The following ASPH variants were observed in gnomAD, a reference collection of about 807,000 sequenced individuals.
The protein encoded by ASPH is aspartyl/asparaginyl beta-hydroxylase.
ASPH carries 100 observed loss-of-function variants against 118.4 expected under a neutral mutation model. That is an observed-to-expected ratio of 0.84 (90% CI 0.72 to 1.00). ASPH has a LOEUF of 1.00. Among genes scored for constraint, ASPH ranks in the 50% least tolerant of loss-of-function variants. The pLI is 0.00. For synonymous variants in ASPH, 315 were observed against 325.6 expected, an observed-to-expected ratio of 0.97 and a Z score of 0.35; for missense variants, 920 against 919.5, an observed-to-expected ratio of 1.00 and a Z score of -0.01.
chr8:61,702,463 T>C (rs1008852931), intron 1 of ASPH, among the ~76,000 whole-genome samples: 28 of 152,046 alleles, frequency 1.8e-4, no homozygotes, highest in Non-Finnish European at 4.0e-4. Context: ...TTTTTTTGTA[T>C]TTTTAGTAGA....
At chr8:61,518,833 G>A (rs914607032) in intron 22 of ASPH, among the ~76,000 whole-genome samples, 3 of 152,130 alleles carry the variant, frequency 2.0e-5, no homozygotes, top group African/African-American at 7.2e-5. Flanking sequence ...TTGGCAGCGT[G>A]TCCATCATCA....
intron 21 of ASPH, among the ~76,000 whole-genome samples, chr8:61,529,171 T>C (rs1457763179): frequency 6.6e-6 from 1 of 152,134 alleles, no homozygotes; most frequent in African/African-American, 2.4e-5. Flanking sequence ...CTCTGTACTA[T>C]CTCCTCCTCA....
chr8:61,669,335 T>C (rs752508086), intron 3 of ASPH, among the ~76,000 whole-genome samples: 47 of 152,210 alleles, frequency 3.1e-4, no homozygotes, highest in Non-Finnish European at 5.9e-4. Flanking sequence ...TGGTAATTTA[T>C]TTTGGTTGAA....
At chr8:61,533,287 CT>C (rs1207377304) in intron 21 of ASPH, among the ~76,000 whole-genome samples, 2 of 152,238 alleles carry the variant, frequency 1.3e-5, no homozygotes, top group South Asian at 4.1e-4. Context: ...GCAAATCACA[CT>C]TTTTAATTTC....
chr8:61,571,894 ACT>A (rs534493534), intron 16 of ASPH, among the ~76,000 whole-genome samples: 105 of 152,254 alleles, frequency 6.9e-4, no homozygotes, highest in Admixed American at 6.1e-3. Flanking sequence ...TAACAAACAC[ACT>A]CTCTCTTACT....
intron 21 of ASPH, among the ~76,000 whole-genome samples, chr8:61,539,529 G>A (rs895560301): frequency 9.9e-5 from 15 of 152,072 alleles, no homozygotes; most frequent in Non-Finnish European, 1.6e-4. Flanking sequence ...AGGATCTTGC[G>A]TTACTTCTCC....
At chr8:61,605,633 A>G (rs2133676920) in intron 14 of ASPH, among the ~76,000 whole-genome samples, 1 of 152,332 alleles carries the variant, frequency 6.6e-6, no homozygotes, top group African/African-American at 2.4e-5. Flanking sequence ...GAAAATGCTC[A>G]CTGATAAAAT....
intron 6 of ASPH, among the ~76,000 whole-genome samples, chr8:61,646,114 G>A (rs1043813287): frequency 3.9e-5 from 6 of 152,152 alleles, no homozygotes; most frequent in African/African-American, 1.4e-4. Context: ...GAGCATGGGA[G>A]GTCAAGGCTG....
intron 2 of ASPH, among the ~76,000 whole-genome samples, chr8:61,682,985 T>C (rs1423097639): frequency 2.0e-5 from 3 of 152,106 alleles, no homozygotes; most frequent in Admixed American, 6.6e-5. Context: ...GATAAACAGA[T>C]AACCAAAATG....
At chr8:61,620,789 T>C (rs997038560) in intron 13 of ASPH, among the ~76,000 whole-genome samples, 4 of 152,196 alleles carry the variant, frequency 2.6e-5, no homozygotes, top group African/African-American at 9.7e-5. Flanking sequence ...CTAATGTGAT[T>C]AGAAAAATCA....
chr8:61,580,660 A>G (rs929596217), intron 15 of ASPH, among the ~76,000 whole-genome samples: 2 of 152,232 alleles, frequency 1.3e-5, no homozygotes, highest in African/African-American at 4.8e-5. Flanking sequence ...GTCTATTCCC[A>G]GTATTTCTTG....
Position 61,593,503 on chromosome 8 carries a change from G to A in ASPH, c.977-9474C>T, listed in dbSNP as rs142751073. 7.0e-4 allele frequency among the ~76,000 whole-genome samples: 107 copies of A among 152,286 alleles called. 1 individual carries two copies. Among genetic ancestry groups the A allele is most frequent in the African/African-American group, 2.5e-3 (103 of 41,566 alleles). On this transcript the variant is annotated intron_variant, in intron 14 of 24. Coordinates refer to ENST00000379454, the MANE Select transcript of ASPH (RefSeq NM_004318.4). ...AGTTAACAAATATTTTTCACTGAGA[G>A]ATGCTAACTTATACAACCCAGTAAA...
intron 14 of ASPH, 73 bp downstream of exon 14, chr8:61,618,905 T>G: frequency 1.5e-6 from 2 of 1,330,700 alleles, no homozygotes; most frequent in South Asian, 2.6e-5. Flanking sequence ...CATGTTATTC[T>G]TGGATGGAAC....
intron 15 of ASPH, among the ~76,000 whole-genome samples, chr8:61,581,392 C>G (rs1837458313): frequency 6.6e-6 from 1 of 152,238 alleles, no homozygotes; most frequent in Non-Finnish European, 1.5e-5. Context: ...AGGACCAAGA[C>G]AGTTCATGGG....
chr8:61,503,356 A>G lies in ASPH; in HGVS notation c.*3T>C, dbSNP rs1805254107. ...GAGTTTCCCAAGCTTGCATGAATTCATGCTAAATTGCTGGAAGGCTGCGTC... is the reference window on the plus strand; with the variant it reads ...GAGTTTCCCAAGCTTGCATGAATTCGTGCTAAATTGCTGGAAGGCTGCGTC... On this transcript the variant is annotated 3_prime_UTR_variant, in exon 25 of 25. Coordinates refer to ENST00000379454, the MANE Select transcript of ASPH (RefSeq NM_004318.4). 2.5e-6 allele frequency: 4 copies of G among 1,602,008 alleles called. No homozygotes were observed. Among genetic ancestry groups the G allele is most frequent in the Non-Finnish European group, 3.4e-6 (4 of 1,172,660 alleles).
At position 61,667,470 on chromosome 8, in the gene ASPH, G is replaced by A. The variant is rs147963891; in HGVS notation, c.322+13498C>T. 1.4e-3 allele frequency among the ~76,000 whole-genome samples: 210 copies of A among 152,180 alleles called. 1 individual carries two copies. Among genetic ancestry groups the A allele is most frequent in the African/African-American group, 4.9e-3 (205 of 41,518 alleles). On this transcript the variant is annotated intron_variant, in intron 3 of 24. Transcript: ENST00000379454. ...CAACCTCTGCCTCCCGGGTTCAAGC[G>A]ATTCTTCTGCCTCAGCCTCCTGAGT... is the stretch of plus-strand genomic sequence containing the variant.
rs1347442321 is a variant in ASPH at position 61,650,322 on chromosome 8, G to A, written c.490+728C>T. Among the ~76,000 whole-genome samples the A allele has an allele frequency of 3.3e-5, 5 of 152,090 alleles. No individual in the cohort carries two copies. The East Asian group carries it at 9.6e-4, about 29-fold the overall frequency. ...AAAACAGTTTAAACTACAGGGCATT[G>A]TTTGTTTTTAAGAAACGTAATTTTA... is the stretch of plus-strand genomic sequence containing the variant. On this transcript the variant is annotated intron_variant, in intron 5 of 24. Coordinates refer to ENST00000379454, the MANE Select transcript of ASPH (RefSeq NM_004318.4).
At chr8:61,626,245 TG>T in intron 13 of ASPH, 1 of 1,548,670 alleles carries the variant, frequency 6.5e-7, no homozygotes, top group South Asian at 1.3e-5. Flanking sequence ...GGTCCTCCTG[TG>T]GTGGTAGGGG....
Position 61,500,697 on chromosome 8 carries a change from A to G in ASPH, c.*2662T>C, listed in dbSNP as rs1402629446. ...GTGCCATGTTTTCCAAGACCAGTGC[A>G]TATTTTTAGACATCTCTTATTCGCC... On this transcript the variant is annotated 3_prime_UTR_variant, in exon 25 of 25. Transcript: ENST00000379454. The G allele has an allele frequency of 6.6e-6, 1 of 152,236 alleles. No homozygotes were observed. The highest frequency in any genetic ancestry group is 2.4e-5 in the African/African-American group (1 of 41,468). 9.4% of individuals were successfully genotyped at this position (152,236 alleles called of 1,614,324 possible). A position where few individuals can be genotyped will look rare whatever the true frequency, so the allele number is the denominator to read the frequency against.
Sources: gnomAD v4.1 joint callset for allele counts (sites outside exome capture counted in the v4.1 genomes callset) on GRCh38, gnomAD v4.1.1 for gene constraint, MANE v1.5 for transcripts, NCBI Gene and HGNC (gene_info 2026-07-23, HGNC 2026-07-21) for gene names.